The following SMARCA5 variants were observed in gnomAD, a reference collection of about 807,000 sequenced individuals.
The protein encoded by SMARCA5 is SNF2 related chromatin remodeling ATPase 5, also known as SWI/SNF-related matrix-associated actin-dependent regulator of chromatin subfamily A member 5.
A neutral mutation model predicts 140.4 loss-of-function variants in SMARCA5; 18 were observed. The observed-to-expected ratio is 0.13, with a 90% confidence interval of 0.09 to 0.19. SMARCA5 has a LOEUF of 0.19. Among genes scored for constraint, SMARCA5 ranks in the 10% least tolerant of loss-of-function variants. The pLI is 1.00. For synonymous variants in SMARCA5, 449 were observed against 419.6 expected (o/e 1.07, Z -0.86); for missense variants, 606 against 1,276.8 (o/e 0.47, Z 8.01).
rs193218908 is a variant in SMARCA5, at chr4:143,546,300, C to T, written c.2520+253C>T. Among the ~76,000 whole-genome samples, 815 of 152,090 alleles carry T rather than the reference C, an allele frequency of 5.4e-3. 4 individuals carry two copies. Among genetic ancestry groups the T allele is most frequent in the Non-Finnish European group, 8.7e-3 (588 of 67,954 alleles). ...TTTATCACCTTACTTTGAATGTTCC[C>T]GTCTTTCCTATGAATTTTCCACATT... On this transcript the variant is annotated intron_variant, in intron 19 of 23. Coordinates refer to ENST00000283131, the MANE Select transcript of SMARCA5 (RefSeq NM_003601.4).
intron 5 of SMARCA5, among the ~76,000 whole-genome samples, chr4:143,525,872 C>T (rs1737057010): frequency 6.6e-6 from 1 of 152,054 alleles, no homozygotes; most frequent in Non-Finnish European, 1.5e-5. Context: ...AATGTTTTTT[C>T]CAGGTGGTAG....
chr4:143,519,880 C>G (rs1447279637), intron 2 of SMARCA5, among the ~76,000 whole-genome samples: 1 of 152,074 alleles, frequency 6.6e-6, no homozygotes, highest in East Asian at 1.9e-4. Flanking sequence ...TTCTACCATG[C>G]CCTCATTTCC....
At chr4:143,526,527 T>G in intron 6 of SMARCA5, 67 bp downstream of exon 6, 2 of 1,008,064 alleles carry the variant, frequency 2.0e-6, no homozygotes, top group Non-Finnish European at 3.0e-6. Flanking sequence ...TGGGTATGGG[T>G]ATAGCTGGAA....
chr4:143,527,778 CCT>C, intron 6 of SMARCA5, 88 bp from the exon 7 acceptor site: 1 of 1,123,846 alleles, frequency 8.9e-7, no homozygotes, highest in Non-Finnish European at 1.3e-6. Context: ...AGTATTCCCA[CCT>C]CTTTTTATAT....
Position 143,538,606 on chromosome 4 carries a change from C to A in SMARCA5, c.1512C>A (p.Ile504=). The change falls in exon 12 of 24, where the codon ATC becomes ATA. Residue 504 remains isoleucine, a synonymous_variant. Coordinates refer to ENST00000283131, the MANE Select transcript of SMARCA5 (RefSeq NM_003601.4). Reference sequence around the variant, plus strand: ...CCCCAACAGGTTCACGAGTACTAATCTTCAGTCAAATGACAAGGGTATTGG... The same window carrying A: ...CCCCAACAGGTTCACGAGTACTAATATTCAGTCAAATGACAAGGGTATTGG... ...KLKEQGSRVL[I]FSQMTRVLDI... 1 of 1,612,528 alleles carries A rather than the reference C, an allele frequency of 6.2e-7. No individual in the cohort carries two copies. The highest frequency in any genetic ancestry group is 8.5e-7 in the Non-Finnish European group (1 of 1,178,684).
In SMARCA5 at chr4:143,555,089, C is replaced by A. The variant is rs1578809209; in HGVS notation, c.*1905C>A. 1.6e-5 allele frequency: 10 copies of A among 627,552 alleles called. No homozygotes were observed. In the East Asian group the frequency reaches 2.5e-4, roughly 15 times the overall value. The allele number at this position is 627,552 out of a possible 1,614,324, so 38.9% of individuals were successfully genotyped here. A position where few individuals can be genotyped will look rare whatever the true frequency, so the allele number is the denominator to read the frequency against. On this transcript the variant is annotated 3_prime_UTR_variant, in exon 24 of 24. Coordinates refer to ENST00000283131, the MANE Select transcript of SMARCA5 (RefSeq NM_003601.4). ...TTTGTTTCCTGGCAGTAATTAAAAT[C>A]TTCTGTCAGTGCCACAGCTACTACT...
intron 13 of SMARCA5, among the ~76,000 whole-genome samples, chr4:143,539,298 C>T (rs926374557): frequency 6.6e-6 from 1 of 152,178 alleles, no homozygotes; most frequent in Non-Finnish European, 1.5e-5. Flanking sequence ...TGTAGCATAA[C>T]TGACTGCAAG....
At chr4:143,526,741 G>A (rs1234758073) in intron 6 of SMARCA5, among the ~76,000 whole-genome samples, 2 of 152,082 alleles carry the variant, frequency 1.3e-5, no homozygotes, top group Admixed American at 6.5e-5. Context: ...CGCATGGCCT[G>A]TAGTCCCAGC....
In SMARCA5 at chr4:143,536,423, C is replaced by T. The variant is rs373256568; in HGVS notation, c.1269-29C>T. On this transcript the variant is annotated intron_variant, in intron 10 of 23. Coordinates refer to ENST00000283131, the MANE Select transcript of SMARCA5 (RefSeq NM_003601.4). Reference sequence around the variant, plus strand: ...AGGGATTGATCAAGGAACATTTGAGCTCTAAAAATGTTTTTCTTCTTTGAA... The same window carrying T: ...AGGGATTGATCAAGGAACATTTGAGTTCTAAAAATGTTTTTCTTCTTTGAA... The T allele has an allele frequency of 7.5e-6, 11 of 1,466,398 alleles. No homozygotes were observed. The African/African-American group carries it at 1.4e-4, about 19-fold the overall frequency. The allele number at this position is 1,466,398 out of a possible 1,614,324, so 90.8% of individuals were successfully genotyped here.
chr4:143,548,054 G>A lies in SMARCA5; in HGVS notation c.2899G>A (p.Glu967Lys). The A allele has an allele frequency of 6.2e-7, 1 of 1,612,782 alleles. No individual in the cohort carries two copies. Among genetic ancestry groups the A allele is most frequent in the Non-Finnish European group, 8.5e-7 (1 of 1,179,090 alleles). Residue 967 changes from glutamate (E) to lysine (K), a missense_variant, in exon 22 of 24, where the codon GAA becomes AAA. Glu to Lys is a moderately conservative substitution (Grantham distance 56). Transcript: ENST00000283131. Reference sequence around the variant, plus strand: ...GCTTCACAAACTTGGATTTGACAAAGAAAATGTTTATGATGAATTGCGACA... The same window carrying A: ...GCTTCACAAACTTGGATTTGACAAAAAAAATGTTTATGATGAATTGCGACA... Reference protein sequence around the residue: ...CMLHKLGFDKENVYDELRQCI... With the variant: ...CMLHKLGFDKKNVYDELRQCI...
Position 143,538,621 on chromosome 4 carries a change from A to G in SMARCA5, c.1527A>G (p.Thr509=), listed in dbSNP as rs1737363511. Residue 509 remains threonine (T), a synonymous_variant, in exon 12 of 24, where the codon ACA becomes ACG. Transcript: ENST00000283131. ...GAGTACTAATCTTCAGTCAAATGACAAGGGTATTGGACATTTTGGAAGATT... is the reference window on the plus strand; with the variant it reads ...GAGTACTAATCTTCAGTCAAATGACGAGGGTATTGGACATTTTGGAAGATT... ...GSRVLIFSQM[T]RVLDILEDYC... is the part of the protein sequence containing the mutation. The G allele has an allele frequency of 1.9e-6, 3 of 1,611,974 alleles. No homozygotes were observed. The South Asian group carries it at 3.3e-5, about 18-fold the overall frequency.
chr4:143,541,205 G>A (rs1737418873), intron 14 of SMARCA5, among the ~76,000 whole-genome samples: 1 of 152,168 alleles, frequency 6.6e-6, no homozygotes, highest in South Asian at 2.1e-4. Flanking sequence ...CTATAAAGTT[G>A]ATGATGGGAA....
In SMARCA5 at chr4:143,545,699, C is replaced by A. The variant is rs1396086263; in HGVS notation, c.2397+116C>A. On this transcript the variant is annotated intron_variant, in intron 18 of 23. Coordinates refer to ENST00000283131, the MANE Select transcript of SMARCA5 (RefSeq NM_003601.4). ...CTAGTGTGAAACAATACTGCTTTAG[C>A]CTAGTCTAGTTGTATGTATGAAATA... 67 of 786,456 alleles carry A rather than the reference C, an allele frequency of 8.5e-5. No individual in the cohort carries two copies. The East Asian group carries it at 1.5e-3, about 17-fold the overall frequency. The allele number at this position is 786,456 out of a possible 1,614,324, so 48.7% of individuals were successfully genotyped here.
chr4:143,538,782 A>G lies in SMARCA5; in HGVS notation c.1618-4A>G, dbSNP rs189758794. 410 of 1,613,924 alleles carry G rather than the reference A, an allele frequency of 2.5e-4. 1 individual carries two copies. The highest frequency in any genetic ancestry group is 4.5e-4 in the Admixed American group (27 of 59,986). Reference sequence around the variant, plus strand: ...TTTTGACAACCATTTTGTTTTATCCATAGGACTCCATCAATGCATACAATG... The same window carrying G: ...TTTTGACAACCATTTTGTTTTATCCGTAGGACTCCATCAATGCATACAATG... On this transcript the variant is annotated splice_polypyrimidine_tract_variant and splice_region_variant and intron_variant, in intron 12 of 23. Coordinates refer to ENST00000283131, the MANE Select transcript of SMARCA5 (RefSeq NM_003601.4).
chr4:143,529,099 T>C (rs1296671969), intron 8 of SMARCA5, among the ~76,000 whole-genome samples: 1 of 152,070 alleles, frequency 6.6e-6, no homozygotes, highest in East Asian at 1.9e-4. Context: ...CATGCCCGGC[T>C]AGTTTCTGTG....
intron 23 of SMARCA5, among the ~76,000 whole-genome samples, chr4:143,550,574 C>T (rs1334609532): frequency 2.0e-5 from 3 of 151,922 alleles, no homozygotes; most frequent in South Asian, 2.1e-4. Flanking sequence ...TTAGCCAGCC[C>T]CACTTTCCCC....
intron 6 of SMARCA5, among the ~76,000 whole-genome samples, chr4:143,526,813 G>A (rs940576235): frequency 2.6e-5 from 4 of 151,824 alleles, no homozygotes; most frequent in East Asian, 1.9e-4. Context: ...GCAGTGAGCC[G>A]AGATGGCGCC....
chr4:143,523,061 G>A (rs1160621981), intron 3 of SMARCA5, among the ~76,000 whole-genome samples: 3 of 152,252 alleles, frequency 2.0e-5, no homozygotes, highest in Non-Finnish European at 4.4e-5. Context: ...TTGAGACAGA[G>A]TCTTGCTCTG....
In SMARCA5 at chr4:143,521,413, AAT is replaced by A; in HGVS notation, c.253-15_253-14del. The A allele has an allele frequency of 6.3e-7, 1 of 1,575,270 alleles. No homozygotes were observed. The highest frequency in any genetic ancestry group is 1.8e-5 in the Admixed American group (1 of 54,878). ...TGATACTCTGATAAAATGTATCTTA[AAT>A]TTTTTTTTTTCAGCAAACTGACCGG... On this transcript the variant is annotated splice_polypyrimidine_tract_variant and intron_variant, in intron 2 of 23. Coordinates refer to ENST00000283131, the MANE Select transcript of SMARCA5 (RefSeq NM_003601.4).
Sources: gnomAD v4.1 joint callset for allele counts (sites outside exome capture counted in the v4.1 genomes callset) on GRCh38, gnomAD v4.1.1 for gene constraint, MANE v1.5 for transcripts, NCBI Gene and HGNC (gene_info 2026-07-23, HGNC 2026-07-21) for gene names.